KRT25: variants seen among roughly 807,000 people sequenced by gnomAD.
KRT25 encodes keratin 25, also known as keratin, type I cytoskeletal 25.
A neutral mutation model predicts 47.6 loss-of-function variants in KRT25; 37 were observed. The observed-to-expected ratio is 0.78, with a 90% confidence interval of 0.60 to 1.02. KRT25 has a LOEUF of 1.02. KRT25 is among the 50% of genes least tolerant of loss of function. The pLI, the probability that KRT25 is intolerant of heterozygous loss-of-function variation, is 0.00. For synonymous variants in KRT25, 203 were observed against 210.2 expected (o/e 0.97, Z 0.30); for missense variants, 542 against 550.3 (o/e 0.98, Z 0.15).
chr17:40,748,081 A>G lies in KRT25; in HGVS notation c.*196T>C. ...AATTGACAACAGATTTCTGTAGGAT[A>G]ATCAAATGAGTCATATTTGTGTGTG... On this transcript the variant is annotated 3_prime_UTR_variant, in exon 8 of 8. Transcript: ENST00000312150. 1 of 445,946 alleles carries G rather than the reference A, an allele frequency of 2.2e-6. No individual in the cohort carries two copies. The highest frequency in any genetic ancestry group is 3.9e-6 in the Non-Finnish European group (1 of 254,424). 27.6% of individuals were successfully genotyped at this position (445,946 alleles called of 1,614,324 possible).
chr17:40,752,308 T>A (rs1390015372), intron 3 of KRT25, among the ~76,000 whole-genome samples: 1 of 152,164 alleles, frequency 6.6e-6, no homozygotes, highest in East Asian at 1.9e-4. Flanking sequence ...TTAGAATGTG[T>A]GAGTCAGTTC....
In KRT25 at chr17:40,748,336, G is replaced by A. The variant is rs144316807; in HGVS notation, c.1294C>T (p.Arg432Cys). Residue 432 changes from arginine (R) to cysteine (C), a missense_variant, in exon 8 of 8, where the codon CGC (arginine) becomes TGC (cysteine). Coordinates refer to ENST00000312150, the MANE Select transcript of KRT25 (RefSeq NM_181534.4). ...AGCCTGGTGGTAAGTATTTTGCTGC[G>A]TTGGTCTACCTCCTCAAGAACTTTC... ...VKKVLEEVDQ[R>C]SKILTTRLHS... is the part of the protein sequence containing the mutation. The A allele has an allele frequency of 3.2e-5, 51 of 1,612,786 alleles. 1 individual carries two copies. The highest frequency in any genetic ancestry group is 1.2e-4 in the Admixed American group (7 of 59,852).
At chr17:40,748,509 C>T (rs1272010969) in intron 7 of KRT25, 123 bp from the exon 8 acceptor site, 1 of 590,926 alleles carries the variant, frequency 1.7e-6, no homozygotes, top group Non-Finnish European at 2.9e-6. Flanking sequence ...AATACTTAGA[C>T]TCATTTTTGG....
Position 40,753,863 on chromosome 17 carries a change from T to C in KRT25, c.666A>G (p.Lys222=). The change falls in exon 3 of 8, where the codon AAA becomes AAG. Residue 222 remains lysine, a synonymous_variant. Coordinates refer to ENST00000312150, the MANE Select transcript of KRT25 (RefSeq NM_181534.4). ...AATGTAGACGACCAGCTCTTACCTCTTTATGGTTCTTTTTGAGGTAAGTCA... is the reference window on the plus strand; with the variant it reads ...AATGTAGACGACCAGCTCTTACCTCCTTATGGTTCTTTTTGAGGTAAGTCA... ...EEMTYLKKNH[K]EEMQVLQCAA... 6.2e-7 allele frequency: 1 copy of C among 1,613,916 alleles called. No homozygotes were observed. The highest frequency in any genetic ancestry group is 8.5e-7 in the Non-Finnish European group (1 of 1,179,912).
Position 40,755,117 on chromosome 17 carries a change from C to T in KRT25, c.155G>A (p.Ser52Asn). ...TCCCCCTGTGTTTCCTCCCGATGAG[C>T]TGCCTCCGAAGGCACTAGAGAAGCC... ...GSGFSSAFGG[S>N]SSGGNTGGGN... Residue 52 changes from serine to asparagine, a missense_variant, in exon 1 of 8, where the codon AGC becomes AAC. Ser to Asn is a conservative substitution (Grantham distance 46). Coordinates refer to ENST00000312150, the MANE Select transcript of KRT25 (RefSeq NM_181534.4). The T allele has an allele frequency of 6.2e-7, 1 of 1,614,196 alleles. No individual in the cohort carries two copies. The highest frequency in any genetic ancestry group is 8.5e-7 in the Non-Finnish European group (1 of 1,180,020).
Position 40,751,152 on chromosome 17 carries a change from G to A in KRT25, c.831+13C>T. The A allele has an allele frequency of 6.2e-7, 1 of 1,614,072 alleles. No individual in the cohort carries two copies. The highest frequency in any genetic ancestry group is 1.6e-4 in the Middle Eastern group (1 of 6,062). ...GTAACATGCAAAGGGACCGTTTTCT[G>A]GAGGAGAGTCACCTTCTCGTTGAAC... is the stretch of plus-strand genomic sequence containing the variant. On this transcript the variant is annotated intron_variant, in intron 4 of 7. Transcript: ENST00000312150.
intron 3 of KRT25, among the ~76,000 whole-genome samples, chr17:40,752,222 G>T (rs2038056742): frequency 6.6e-6 from 1 of 152,228 alleles, no homozygotes; most frequent in South Asian, 2.1e-4. Flanking sequence ...TGGTTATTAT[G>T]ATTATTATCA....
In KRT25 at chr17:40,751,055, A is replaced by C. The variant is rs772070750; in HGVS notation, c.856T>G (p.Ser286Ala). The change falls in exon 5 of 8, where the codon TCT becomes GCT. Residue 286 changes from serine to alanine, a missense_variant. Coordinates refer to ENST00000312150, the MANE Select transcript of KRT25 (RefSeq NM_181534.4). ...EKSASLQQQISEDVGATTSAR... is the reference protein window; with the variant it reads ...EKSASLQQQIAEDVGATTSAR... ...GAGGTTGTGGCTCCGACATCCTCAG[A>C]GATCTGCTGCTGCAGGGAGGCGCTC... The C allele has an allele frequency of 6.2e-7, 1 of 1,614,210 alleles. No homozygotes were observed. The highest frequency in any genetic ancestry group is 1.1e-5 in the South Asian group (1 of 91,090).
Position 40,754,034 on chromosome 17 carries a change from A to G in KRT25, c.513-18T>C. ...TTTCATACCTTAAAGAGTGTTAATG[A>G]TTTCCTAATTTGTCACATGGTTGGA... On this transcript the variant is annotated intron_variant, in intron 2 of 7. Coordinates refer to ENST00000312150, the MANE Select transcript of KRT25 (RefSeq NM_181534.4). 1 of 1,612,542 alleles carries G rather than the reference A, an allele frequency of 6.2e-7. No individual in the cohort carries two copies. Among genetic ancestry groups the G allele is most frequent in the Non-Finnish European group, 8.5e-7 (1 of 1,179,036 alleles).
Position 40,754,350 on chromosome 17 carries a change from T to C in KRT25, c.512+36A>G, listed in dbSNP as rs189301599. The C allele has an allele frequency of 6.5e-6, 10 of 1,531,584 alleles. No homozygotes were observed. The Admixed American group carries it at 1.2e-4, about 18-fold the overall frequency. 94.9% of individuals were successfully genotyped at this position (1,531,584 alleles called of 1,614,324 possible). ...ATTTGATGTAATGCGTTGCATGAATTGCCATGAATTCATTTCACTCTGGCA... is the reference window on the plus strand; with the variant it reads ...ATTTGATGTAATGCGTTGCATGAATCGCCATGAATTCATTTCACTCTGGCA... On this transcript the variant is annotated intron_variant, in intron 2 of 7. Coordinates refer to ENST00000312150, the MANE Select transcript of KRT25 (RefSeq NM_181534.4).
chr17:40,749,153 A>C, intron 7 of KRT25, 105 bp downstream of exon 7: 1 of 802,532 alleles, frequency 1.2e-6, no homozygotes, highest in Non-Finnish European at 2.1e-6. Context: ...AACCTCCGTG[A>C]CACGTGTTTA....
At position 40,750,548 on chromosome 17, in the gene KRT25, G is replaced by C. The variant is rs77242879; in HGVS notation, c.1007C>G (p.Ala336Gly). Residue 336 changes from alanine to glycine, a missense_variant, in exon 6 of 8, where the codon GCG (alanine) becomes GGG (glycine). Coordinates refer to ENST00000312150, the MANE Select transcript of KRT25 (RefSeq NM_181534.4). ...SLTETESNYC[A>G]QLAQIQAQIG... is the part of the protein sequence containing the mutation. Reference sequence around the variant, plus strand: ...CTGAGCCTGGATCTGCGCCAGCTGCGCACAGTAGTTGCTCTCGGTCTCTGT... The same window carrying C: ...CTGAGCCTGGATCTGCGCCAGCTGCCCACAGTAGTTGCTCTCGGTCTCTGT... 8.8e-4 allele frequency: 1,426 copies of C among 1,614,218 alleles called. 14 individuals carry two copies. The African/African-American group carries it at 0.017, about 19-fold the overall frequency.
Position 40,748,104 on chromosome 17 carries a change from G to A in KRT25, c.*173C>T, listed in dbSNP as rs1048497674. ...ATAATCAAATGAGTCATATTTGTGT[G>A]TGGCATTCTTCTAGATGAATGGGGA... On this transcript the variant is annotated 3_prime_UTR_variant, in exon 8 of 8. Coordinates refer to ENST00000312150, the MANE Select transcript of KRT25 (RefSeq NM_181534.4). The A allele has an allele frequency of 4.1e-6, 2 of 485,986 alleles. No homozygotes were observed. The highest frequency in any genetic ancestry group is 4.0e-5 in the African/African-American group (2 of 50,550). 30.1% of individuals were successfully genotyped at this position (485,986 alleles called of 1,614,324 possible). A position where few individuals can be genotyped will look rare whatever the true frequency, so the allele number is the denominator to read the frequency against.
intron 3 of KRT25, among the ~76,000 whole-genome samples, chr17:40,751,646 C>T (rs2144125605): frequency 1.3e-5 from 2 of 152,250 alleles, no homozygotes; most frequent in Middle Eastern, 3.4e-3. Context: ...CATCTTAATT[C>T]CTTTTCCATA....
In KRT25 at chr17:40,751,245, G is replaced by A. The variant is rs201037733; in HGVS notation, c.751C>T (p.Leu251=). ...TACTCAGCTCGCATGTTGTTCAGCA[G>A]AACTGTGAGGTCCACCCCGGGGGCT... The part of the protein sequence containing the change: ...NAAPGVDLTV[L]LNNMRAEYEA... The change falls in exon 4 of 8, where the codon CTG becomes TTG. Residue 251 remains leucine, a synonymous_variant. Coordinates refer to ENST00000312150, the MANE Select transcript of KRT25 (RefSeq NM_181534.4). The A allele has an allele frequency of 1.9e-6, 3 of 1,614,226 alleles. No homozygotes were observed.
At chr17:40,751,867 T>C (rs2038051807) in intron 3 of KRT25, among the ~76,000 whole-genome samples, 1 of 102,818 alleles carries the variant, frequency 9.7e-6, no homozygotes, top group Non-Finnish European at 2.1e-5. Context: ...TATGTGTGTG[T>C]GTGTGTGTGT....
rs775210228 is a variant in KRT25, at chr17:40,749,303, T to C, written c.1198A>G (p.Lys400Glu). ...TTTCCAGATCCATAATCTTTAGACT[T>C]GTAACCCCCAGACTTACAGGCTCTG... ...DDGACKSGGY[K>E]SKDYGSGNVG... Residue 400 changes from lysine (K) to glutamate (E), a missense_variant, in exon 7 of 8, where the codon AAG (lysine) becomes GAG (glutamate). By Grantham distance (56) the Lys-to-Glu change is moderately conservative. Transcript: ENST00000312150. The C allele has an allele frequency of 6.2e-7, 1 of 1,613,542 alleles. No homozygotes were observed. Among genetic ancestry groups the C allele is most frequent in the Non-Finnish European group, 8.5e-7 (1 of 1,179,596 alleles).
At position 40,748,217 on chromosome 17, in the gene KRT25, A is replaced by AT; in HGVS notation, c.*59dup. The AT allele has an allele frequency of 1.8e-6, 2 of 1,103,354 alleles. No homozygotes were observed. The highest frequency in any genetic ancestry group is 2.7e-6 in the Non-Finnish European group (2 of 750,334). 68.3% of individuals were successfully genotyped at this position (1,103,354 alleles called of 1,614,324 possible). A position where few individuals can be genotyped will look rare whatever the true frequency, so the allele number is the denominator to read the frequency against. On this transcript the variant is annotated 3_prime_UTR_variant, in exon 8 of 8. Transcript: ENST00000312150. ...TAGACATGCACATTTTTCTGGACAG[A>AT]TACATAATGCCTTTTCTTCGCAGGG...
At chr17:40,754,759 A>G (rs2038089645) in intron 1 of KRT25, 84 bp downstream of exon 1, 1 of 1,262,344 alleles carries the variant, frequency 7.9e-7, no homozygotes, top group South Asian at 1.6e-5. Flanking sequence ...GGAATGATAA[A>G]TGTTTTTAGA....
Sources: gnomAD v4.1 joint callset for allele counts (sites outside exome capture counted in the v4.1 genomes callset) on GRCh38, gnomAD v4.1.1 for gene constraint, MANE v1.5 for transcripts, NCBI Gene and HGNC (gene_info 2026-07-23, HGNC 2026-07-21) for gene names.